Variants in GABRR3 observed in about 807,000 individuals in gnomAD.
The protein encoded by GABRR3 is gamma-aminobutyric acid type A receptor subunit rho3.
In GABRR3, 29 loss-of-function variants were observed where a neutral mutation model predicts 43.2. The ratio of observed to expected loss-of-function variants is 0.67; its 90% confidence interval spans 0.50 to 0.92. The LOEUF is 0.92. GABRR3 is among the 40% of genes least tolerant of loss of function. GABRR3 has a pLI of 0.00. For missense variants in GABRR3, 576 were observed against 572.3 expected (o/e 1.01, Z -0.07); for synonymous variants, 206 against 195.9 (o/e 1.05, Z -0.43).
chr3:98,034,353 A>G (rs1707126008), intron 2 of GABRR3, among the ~76,000 whole-genome samples: 3 of 152,168 alleles, frequency 2.0e-5, no homozygotes, highest in Admixed American at 2.0e-4. Flanking sequence ...GATAATAATG[A>G]TGATGTCTTG....
At chr3:98,032,800 T>C (rs1697103506) in intron 2 of GABRR3, among the ~76,000 whole-genome samples, 1 of 152,168 alleles carries the variant, frequency 6.6e-6, no homozygotes, top group African/African-American at 2.4e-5. Context: ...TAAATCCCCC[T>C]TATAATTTTC....
At chr3:97,999,375 C>G (rs1335063816) in intron 8 of GABRR3, 1 of 152,106 alleles carries the variant, frequency 6.6e-6, no homozygotes, top group Non-Finnish European at 1.5e-5. Flanking sequence ...TGCTTCATCC[C>G]TGAAGTCTGG....
intron 9 of GABRR3, among the ~76,000 whole-genome samples, chr3:97,991,804 GA>G (rs2107225726): frequency 6.6e-6 from 1 of 152,002 alleles, no homozygotes; most frequent in African/African-American, 2.4e-5. Flanking sequence ...CTCAGAAGTA[GA>G]AAAAATATTA....
intron 6 of GABRR3, 129 bp downstream of exon 6, chr3:98,008,827 A>C: frequency 2.7e-6 from 1 of 367,570 alleles, no homozygotes; most frequent in Non-Finnish European, 4.8e-6. Flanking sequence ...AAGAAGCCAC[A>C]ATTGTTTCAG....
At chr3:98,022,486 G>C (rs1161935844) in intron 3 of GABRR3, among the ~76,000 whole-genome samples, 1 of 152,210 alleles carries the variant, frequency 6.6e-6, no homozygotes, top group Non-Finnish European at 1.5e-5. Context: ...TTGCGGACAA[G>C]CATAAAGAAA....
At chr3:98,012,447 C>G in exon 5 of GABRR3, 1 of 1,613,904 alleles carries the variant, frequency 6.2e-7, no homozygotes, top group Non-Finnish European at 8.5e-7. Context: ...AAAAAGATAT[C>G]AGGCACCCAG....
chr3:97,993,619 C>T (rs1706500455), intron 8 of GABRR3, among the ~76,000 whole-genome samples: 1 of 152,146 alleles, frequency 6.6e-6, no homozygotes, highest in Admixed American at 6.6e-5. Context: ...AACTACAGTT[C>T]CATTGATTCT....
exon 10 of GABRR3, chr3:97,986,959 A>G (rs754290964): frequency 6.2e-7 from 1 of 1,604,952 alleles, no homozygotes; most frequent in Non-Finnish European, 8.5e-7. Flanking sequence ...CTTGAACTGC[A>G]TCAATATTGT....
chr3:97,992,064 A>C (rs1406536301), intron 9 of GABRR3, among the ~76,000 whole-genome samples: 2 of 152,194 alleles, frequency 1.3e-5, no homozygotes, highest in Non-Finnish European at 2.9e-5. Flanking sequence ...TTCTTGTAAA[A>C]GCAGGAAACT....
intron 3 of GABRR3, among the ~76,000 whole-genome samples, chr3:98,024,885 T>A (rs1706992374): frequency 6.6e-6 from 1 of 152,232 alleles, no homozygotes; most frequent in African/African-American, 2.4e-5. Context: ...GAGAAGAAAG[T>A]CTTTGTTCCA....
intron 3 of GABRR3, among the ~76,000 whole-genome samples, chr3:98,022,748 A>T (rs1706963597): frequency 6.6e-6 from 1 of 152,236 alleles, no homozygotes; most frequent in Non-Finnish European, 1.5e-5. Flanking sequence ...TATGATTGTC[A>T]GAAAAATTTC....
intron 2 of GABRR3, 26 bp downstream of exon 2, chr3:98,034,837 C>T (rs1171511644): frequency 6.2e-7 from 1 of 1,611,044 alleles, no homozygotes; most frequent in East Asian, 2.2e-5. Flanking sequence ...GCAGTAATTC[C>T]ATGGACTGCA....
At chr3:97,985,510 C>CCT (rs1706372810), downstream of GABRR3, among the ~76,000 whole-genome samples, 1 of 152,192 alleles carries the variant, frequency 6.6e-6, no homozygotes, top group South Asian at 2.1e-4. Context: ...AGTGTACATA[C>CCT]CTCTGTTTTA....
At chr3:98,003,416 CTTTT>C (rs35589224) in intron 7 of GABRR3, among the ~76,000 whole-genome samples, 2 of 133,508 alleles carry the variant, frequency 1.5e-5, no homozygotes, top group African/African-American at 2.8e-5. Flanking sequence ...AACAGTTGTC[CTTTT>C]TTTTTTTTTT....
chr3:98,017,545 G>A (rs1176100322), intron 4 of GABRR3, 110 bp downstream of exon 4: 1 of 761,160 alleles, frequency 1.3e-6, no homozygotes, highest in Admixed American at 2.1e-5. Context: ...CAAAGTAGGA[G>A]ACATAAATAA....
chr3:98,013,805 G>A (rs926449171), intron 4 of GABRR3, among the ~76,000 whole-genome samples: 2 of 152,188 alleles, frequency 1.3e-5, no homozygotes, highest in Admixed American at 1.3e-4. Flanking sequence ...GTGGGTTACT[G>A]CACAGAGAGC....
At chr3:98,007,803 A>G (rs200491677) in exon 7 of GABRR3, 503 of 1,613,552 alleles carry the variant, frequency 3.1e-4, no homozygotes, top group Non-Finnish European at 4.0e-4. Flanking sequence ...GATGCACTGA[A>G]GTCTTCAATG....
chr3:97,986,916 C>T (rs373952438), exon 10 of GABRR3: 18 of 1,611,586 alleles, frequency 1.1e-5, no homozygotes, highest in Non-Finnish European at 1.4e-5. Context: ...ATGTCAATCT[C>T]GCTGTCATGG....
chr3:98,018,085 A>G (rs1417005919), intron 3 of GABRR3, among the ~76,000 whole-genome samples: 1 of 151,778 alleles, frequency 6.6e-6, no homozygotes, highest in Non-Finnish European at 1.5e-5. Context: ...ACATGTCTTA[A>G]GAGTATGTAG....
Sources: gnomAD v4.1 joint callset for allele counts (sites outside exome capture counted in the v4.1 genomes callset) on GRCh38, gnomAD v4.1.1 for gene constraint, MANE v1.5 for transcripts, NCBI Gene and HGNC (gene_info 2026-07-23, HGNC 2026-07-21) for gene names.